The following NYAP2 variants were observed in gnomAD, a reference collection of about 807,000 sequenced individuals.
NYAP2 encodes the protein neuronal tyrosine-phosphorylated phosphoinositide-3-kinase adapter 2.
A neutral mutation model predicts 50.4 loss-of-function variants in NYAP2; 23 were observed. That is an observed-to-expected ratio of 0.46 (90% CI 0.33 to 0.65). The LOEUF (loss-of-function observed/expected upper bound fraction) is 0.65, where lower values mean the gene tolerates loss of function less well. NYAP2 is among the 30% of genes least tolerant of loss of function. NYAP2 has a pLI of 0.02. For missense variants in NYAP2, 885 were observed against 861.0 expected (o/e 1.03, Z -0.35); for synonymous variants, 394 against 365.2 (o/e 1.08, Z -0.90).
chr2:225,406,419 A>C (rs368643512), intron 2 of NYAP2, among the ~76,000 whole-genome samples: 15 of 151,958 alleles, frequency 9.9e-5, no homozygotes, highest in African/African-American at 3.6e-4. Flanking sequence ...TGTATGACCA[A>C]CTAGTGAAGT....
chr2:225,433,035 G>A (rs539463285), intron 3 of NYAP2, among the ~76,000 whole-genome samples: 1 of 152,196 alleles, frequency 6.6e-6, no homozygotes, highest in East Asian at 1.9e-4. Context: ...ATAGTTTTTA[G>A]CTCAGCAAGG....
the NYAP2 span, among the ~76,000 whole-genome samples, chr2:225,674,041 C>T: frequency 7.9e-5 from 12 of 152,048 alleles, no homozygotes; most frequent in African/African-American, 2.9e-4. Flanking sequence ...TCAGGTGAAG[C>T]CACAAAGCTT....
At chr2:225,559,252 A>T (rs868756739) in intron 4 of NYAP2, among the ~76,000 whole-genome samples, 96 of 152,010 alleles carry the variant, frequency 6.3e-4, no homozygotes, top group African/African-American at 2.2e-3. Flanking sequence ...CTGAAATATG[A>T]GTGTCAGTAG....
intron 4 of NYAP2, among the ~76,000 whole-genome samples, chr2:225,519,104 A>G (rs905856168): frequency 1.3e-4 from 20 of 152,072 alleles, no homozygotes; most frequent in Admixed American, 2.0e-4. Flanking sequence ...CTCAGTTGTA[A>G]TAATCTTTTA....
At chr2:225,653,389 T>C (rs1024673212) in exon 7 of NYAP2, 1 of 152,232 alleles carries the variant, frequency 6.6e-6, no homozygotes, top group African/African-American at 2.4e-5. Flanking sequence ...ACTTCCAGAA[T>C]AGAGACAAGG....
intron 3 of NYAP2, among the ~76,000 whole-genome samples, chr2:225,468,267 G>A (rs749192856): frequency 9.2e-5 from 14 of 152,184 alleles, no homozygotes; most frequent in Admixed American, 2.0e-4. Context: ...CAGACACGAA[G>A]AGGAAAAACA....
chr2:225,539,604 G>A (rs768308176), intron 4 of NYAP2, among the ~76,000 whole-genome samples: 6 of 152,118 alleles, frequency 3.9e-5, no homozygotes, highest in Non-Finnish European at 7.4e-5. Flanking sequence ...CAGTGTTGAT[G>A]AGCTTATTTT....
intron 4 of NYAP2, among the ~76,000 whole-genome samples, chr2:225,525,841 G>T (rs190111302): frequency 3.9e-5 from 6 of 152,128 alleles, no homozygotes; most frequent in Admixed American, 3.9e-4. Flanking sequence ...TTCTAAGACG[G>T]TATTCAAGAT....
At chr2:225,632,870 CTA>C (rs745871753) in intron 6 of NYAP2, among the ~76,000 whole-genome samples, 1 of 152,146 alleles carries the variant, frequency 6.6e-6, no homozygotes, top group Non-Finnish European at 1.5e-5. Flanking sequence ...AAAAATTTTA[CTA>C]TGTTTCTTTA....
chr2:225,408,504 G>A (rs936057467), intron 2 of NYAP2, among the ~76,000 whole-genome samples: 1 of 151,966 alleles, frequency 6.6e-6, no homozygotes, highest in African/African-American at 2.4e-5. Context: ...AATACATGAA[G>A]TTTGGATCTT....
At chr2:225,540,578 A>G (rs1691444891) in intron 4 of NYAP2, among the ~76,000 whole-genome samples, 1 of 152,220 alleles carries the variant, frequency 6.6e-6, no homozygotes. Flanking sequence ...CCCTTCCACA[A>G]CACTTGGAAA....
At chr2:225,512,608 T>C (rs2106184846) in intron 3 of NYAP2, among the ~76,000 whole-genome samples, 1 of 146,136 alleles carries the variant, frequency 6.8e-6, no homozygotes, top group African/African-American at 2.5e-5. Context: ...TTTCCCTTCC[T>C]CTCCTTTGCT....
downstream of NYAP2, among the ~76,000 whole-genome samples, chr2:225,655,885 T>TAAACACACACAC (rs1294711754): frequency 8.3e-6 from 1 of 121,146 alleles, no homozygotes; most frequent in African/African-American, 3.1e-5. Flanking sequence ...CAACCTCCAC[T>TAAACACACACAC]ACACACACAC....
chr2:225,472,490 AAG>A (rs1429896920), intron 3 of NYAP2, among the ~76,000 whole-genome samples: 1 of 152,188 alleles, frequency 6.6e-6, no homozygotes, highest in Admixed American at 6.5e-5. Flanking sequence ...GTACAGAGGT[AAG>A]AGTCCTTCAA....
chr2:225,520,086 G>C (rs1691019748), intron 4 of NYAP2, among the ~76,000 whole-genome samples: 3 of 152,200 alleles, frequency 2.0e-5, no homozygotes, highest in Admixed American at 6.5e-5. Context: ...AGAAGTGTCT[G>C]TTCATGTCCT....
At chr2:225,431,052 C>T (rs1695358733) in intron 3 of NYAP2, among the ~76,000 whole-genome samples, 1 of 152,144 alleles carries the variant, frequency 6.6e-6, no homozygotes, top group Non-Finnish European at 1.5e-5. Flanking sequence ...CAAATTATTA[C>T]ATCATTTAGA....
chr2:225,462,385 C>T (rs1438138200), intron 3 of NYAP2, among the ~76,000 whole-genome samples: 1 of 152,022 alleles, frequency 6.6e-6, no homozygotes, highest in Non-Finnish European at 1.5e-5. Flanking sequence ...TCTCTTTCTT[C>T]TTCCCATCAT....
intron 3 of NYAP2, among the ~76,000 whole-genome samples, chr2:225,429,819 G>C (rs1285776939): frequency 1.3e-5 from 2 of 152,270 alleles, no homozygotes; most frequent in Admixed American, 1.3e-4. Flanking sequence ...ATCTATGATA[G>C]AGCAGCATAT....
At chr2:225,524,540 C>G (rs1046258231) in intron 4 of NYAP2, among the ~76,000 whole-genome samples, 4 of 152,134 alleles carry the variant, frequency 2.6e-5, no homozygotes, top group Non-Finnish European at 5.9e-5. Flanking sequence ...CGAATTGACA[C>G]TCAGTATTAA....
Sources: gnomAD v4.1 joint callset for allele counts (sites outside exome capture counted in the v4.1 genomes callset) on GRCh38, gnomAD v4.1.1 for gene constraint, MANE v1.5 for transcripts, NCBI Gene and HGNC (gene_info 2026-07-23, HGNC 2026-07-21) for gene names.